The following CLSTN2 variants were observed in gnomAD, a reference collection of about 807,000 sequenced individuals.
The protein encoded by CLSTN2 is calsyntenin-2.
CLSTN2 carries 48 observed loss-of-function variants against 101.2 expected under a neutral mutation model. The observed-to-expected ratio is 0.47, with a 90% CI of 0.38 to 0.60. The LOEUF is 0.60. CLSTN2 is among the 20% of genes least tolerant of loss of function. CLSTN2 has a pLI of 0.00. For missense variants in CLSTN2, 1,160 were observed against 1,238.2 expected, an observed-to-expected ratio of 0.94 and a Z score of 0.95; for synonymous variants, 481 against 463.6, an observed-to-expected ratio of 1.04 and a Z score of -0.48.
chr3:140,522,170 G>A (rs530848479), intron 8 of CLSTN2, among the ~76,000 whole-genome samples: 9 of 152,314 alleles, frequency 5.9e-5, no homozygotes, highest in Non-Finnish European at 1.0e-4. Flanking sequence ...GGTGGCTGTC[G>A]CCCCAGCCTG....
In CLSTN2 at chr3:140,171,798, AATATG is replaced by A. The variant is rs553457945; in HGVS notation, c.110-4152_110-4148del. 3.0e-5 allele frequency among the ~76,000 whole-genome samples: 3 copies of A among 98,612 alleles called. No homozygotes were observed. In the South Asian group the frequency reaches 6.9e-4, roughly 23 times the overall value. The allele number at this position is 98,612 out of a possible 152,430, so 64.7% of individuals were successfully genotyped here. A position where few individuals can be genotyped will look rare whatever the true frequency, so the allele number is the denominator to read the frequency against. On this transcript the variant is annotated intron_variant, in intron 1 of 16. Transcript: ENST00000458420. Reference sequence around the variant, plus strand: ...ATGTATTATATAATATATAATATATAATATGTATTATATATTATATATTATATATA... The same window carrying A: ...ATGTATTATATAATATATAATATATATATTATATATTATATATTATATATA...
At chr3:140,521,751 G>A (rs1025615682) in intron 8 of CLSTN2, among the ~76,000 whole-genome samples, 6 of 152,190 alleles carry the variant, frequency 3.9e-5, no homozygotes, top group East Asian at 1.9e-4. Flanking sequence ...AAGAAATGAC[G>A]GTCACATCTC....
intron 2 of CLSTN2, among the ~76,000 whole-genome samples, chr3:140,223,572 A>G (rs1303799918): frequency 6.6e-6 from 1 of 151,944 alleles, no homozygotes; most frequent in Non-Finnish European, 1.5e-5. Context: ...ATCATCATTC[A>G]TTTTCCTAGG....
intron 1 of CLSTN2, among the ~76,000 whole-genome samples, chr3:140,132,847 T>C (rs2009543459): frequency 6.6e-6 from 1 of 152,180 alleles, no homozygotes; most frequent in South Asian, 2.1e-4. Flanking sequence ...CCTTACTCCA[T>C]CCCAGGGATT....
intron 2 of CLSTN2, among the ~76,000 whole-genome samples, chr3:140,216,052 A>T (rs1222691047): frequency 6.6e-6 from 1 of 152,168 alleles, no homozygotes; most frequent in South Asian, 2.1e-4. Context: ...GGTGAGCATT[A>T]TCGCCTGAGC....
chr3:140,337,844 G>A (rs1039040193), intron 2 of CLSTN2, among the ~76,000 whole-genome samples: 5 of 152,162 alleles, frequency 3.3e-5, no homozygotes, highest in Admixed American at 6.5e-5. Flanking sequence ...CCTTACTCAT[G>A]GGCTAGAATT....
intron 1 of CLSTN2, among the ~76,000 whole-genome samples, chr3:140,021,010 C>A (rs1576399469): frequency 6.6e-6 from 1 of 151,678 alleles, no homozygotes; most frequent in African/African-American, 2.4e-5. Context: ...ACCCAGCACT[C>A]ATTTTAACCT....
intron 2 of CLSTN2, among the ~76,000 whole-genome samples, chr3:140,240,174 C>CTCTCTCTCTCTCTCTCTA (rs1311225528): frequency 7.5e-5 from 1 of 13,352 alleles, no homozygotes; most frequent in Non-Finnish European, 3.5e-4. Flanking sequence ...CTCTCTCTCT[C>CTCTCTCTCTCTCTCTCTA]TATATATATA....
intron 2 of CLSTN2, among the ~76,000 whole-genome samples, chr3:140,321,688 G>A (rs888854613): frequency 3.3e-5 from 5 of 152,082 alleles, no homozygotes; most frequent in African/African-American, 1.2e-4. Context: ...GATAACCCGA[G>A]TTCCCCTCCT....
chr3:139,957,506 T>C (rs1428920622), intron 1 of CLSTN2, among the ~76,000 whole-genome samples: 1 of 151,242 alleles, frequency 6.6e-6, no homozygotes, highest in African/African-American at 2.4e-5. Context: ...TTTTTTTTTA[T>C]CTGAGAAGCC....
intron 2 of CLSTN2, among the ~76,000 whole-genome samples, chr3:140,264,986 C>G (rs573767229): frequency 1.6e-4 from 24 of 152,250 alleles, no homozygotes; most frequent in African/African-American, 5.8e-4. Context: ...TCCTTCACAA[C>G]CCCCAGCACA....
At chr3:140,194,192 C>A (rs9841172) in intron 2 of CLSTN2, among the ~76,000 whole-genome samples, 1 of 152,102 alleles carries the variant, frequency 6.6e-6, no homozygotes, top group African/African-American at 2.4e-5. Context: ...TTTTGTAGTT[C>A]TGGAGTTTGA....
intron 4 of CLSTN2, among the ~76,000 whole-genome samples, chr3:140,418,383 T>C (rs943026392): frequency 6.6e-6 from 1 of 152,224 alleles, no homozygotes; most frequent in African/African-American, 2.4e-5. Context: ...CACGTTTTTA[T>C]TGAGATATTT....
chr3:140,482,085 T>G (rs949470041), intron 8 of CLSTN2, among the ~76,000 whole-genome samples: 45 of 152,328 alleles, frequency 3.0e-4, no homozygotes, highest in African/African-American at 8.4e-4. Context: ...GGCTGTGGGT[T>G]TGTCATAGAT....
At chr3:140,427,147 G>A (rs1464070218) in intron 5 of CLSTN2, among the ~76,000 whole-genome samples, 1 of 137,706 alleles carries the variant, frequency 7.3e-6, no homozygotes, top group Non-Finnish European at 1.5e-5. Context: ...CTGCACTCCT[G>A]CCTGGGCGAC....
chr3:140,427,906 A>G (rs2107995935), intron 5 of CLSTN2, among the ~76,000 whole-genome samples: 1 of 152,202 alleles, frequency 6.6e-6, no homozygotes, highest in Non-Finnish European at 1.5e-5. Flanking sequence ...CCTCTTGTCA[A>G]CTGAATGAAA....
At chr3:140,030,961 T>G (rs1312174427) in intron 1 of CLSTN2, among the ~76,000 whole-genome samples, 1 of 152,216 alleles carries the variant, frequency 6.6e-6, no homozygotes, top group East Asian at 1.9e-4. Context: ...TTTCCTTCCC[T>G]TGTTTATGTC....
intron 1 of CLSTN2, among the ~76,000 whole-genome samples, chr3:140,025,310 G>T (rs2007396236): frequency 6.6e-6 from 1 of 152,196 alleles, no homozygotes; most frequent in Non-Finnish European, 1.5e-5. Flanking sequence ...CTACAGAAAT[G>T]ATGGAAGTTC....
At chr3:140,358,967 C>A (rs146246370) in intron 2 of CLSTN2, among the ~76,000 whole-genome samples, 1 of 152,244 alleles carries the variant, frequency 6.6e-6, no homozygotes, top group African/African-American at 2.4e-5. Flanking sequence ...ACCTCCCAGG[C>A]AGGACTGGCA....
Sources: allele counts gnomAD v4.1 joint callset (sites outside exome capture counted in the v4.1 genomes callset), GRCh38; gene constraint gnomAD v4.1.1; transcripts MANE v1.5; gene names NCBI Gene and HGNC (gene_info 2026-07-23, HGNC 2026-07-21).